Variants in PKD1L1 observed in about 807,000 individuals in gnomAD.
PKD1L1 encodes polycystin-1-like protein 1.
Under a neutral mutation model 323.4 loss-of-function variants are expected in PKD1L1, and 236 were observed. The observed-to-expected ratio is 0.73, with a 90% CI of 0.66 to 0.81. The LOEUF (loss-of-function observed/expected upper bound fraction) is 0.81. Ranked by LOEUF, PKD1L1 falls within the 40% of genes least tolerant of loss-of-function variation. The pLI is 0.00. For missense variants in PKD1L1, 3,320 were observed against 3,508.0 expected, an observed-to-expected ratio of 0.95 and a Z score of 1.35; for synonymous variants, 1,344 against 1,335.0, an observed-to-expected ratio of 1.01 and a Z score of -0.15.
At chr7:47,870,141 G>A (rs766915337) in intron 24 of PKD1L1, among the ~76,000 whole-genome samples, 5 of 150,750 alleles carry the variant, frequency 3.3e-5, no homozygotes, top group Admixed American at 1.3e-4. Context: ...AGAAGATGAC[G>A]AATCAATAAT....
chr7:47,791,659 A>G (rs914283041), intron 56 of PKD1L1, among the ~76,000 whole-genome samples: 1 of 152,134 alleles, frequency 6.6e-6, no homozygotes, highest in East Asian at 1.9e-4. Context: ...TCCTCTCTAC[A>G]TGTGGAAGTT....
intron 56 of PKD1L1, among the ~76,000 whole-genome samples, chr7:47,788,676 A>T (rs1786869660): frequency 6.6e-6 from 1 of 150,874 alleles, no homozygotes; most frequent in African/African-American, 2.4e-5. Context: ...GCTCACAGCA[A>T]TCTCCGCCTC....
intron 2 of PKD1L1, among the ~76,000 whole-genome samples, chr7:47,943,161 AAAATATATATATAT>A (rs1225200058): frequency 1.8e-4 from 15 of 85,052 alleles, no homozygotes; most frequent in African/African-American, 4.1e-4. Flanking sequence ...AAAAAAAAAA[AAAATATATATATAT>A]ATATATATAT....
chr7:47,958,902 G>A, the PKD1L1 span, among the ~76,000 whole-genome samples: 13 of 151,966 alleles, frequency 8.6e-5, no homozygotes, highest in Admixed American at 7.9e-4. Context: ...CTGCCATCTC[G>A]GCTCACTGCA....
At position 47,829,415 on chromosome 7, in the gene PKD1L1, T is replaced by A. The variant is rs71547867; in HGVS notation, c.6735+10A>T. On this transcript the variant is annotated intron_variant, in intron 44 of 56. Transcript: ENST00000289672. The stretch of plus-strand genomic sequence containing the variant: ...ATCTCAATTTGCACTGCATAGGTAA[T>A]TTTTTTTACTTTTTCAACCTCGCCT... 15 of 1,577,088 alleles carry A rather than the reference T, an allele frequency of 9.5e-6. No individual in the cohort carries two copies. The highest frequency in any genetic ancestry group is 1.3e-5 in the Non-Finnish European group (15 of 1,162,830).
intron 26 of PKD1L1, among the ~76,000 whole-genome samples, chr7:47,863,343 T>C (rs1227325810): frequency 6.6e-6 from 1 of 151,886 alleles, no homozygotes; most frequent in Non-Finnish European, 1.5e-5. Flanking sequence ...TCTGGGGAGC[T>C]TGAGTCAGCT....
chr7:47,861,341 A>C (rs772394341), intron 26 of PKD1L1, among the ~76,000 whole-genome samples: 66 of 152,230 alleles, frequency 4.3e-4, no homozygotes, highest in Non-Finnish European at 4.0e-4. Context: ...GTCTCGAACA[A>C]AATGAACTCT....
At chr7:47,775,925 C>A (rs1786558764) in intron 56 of PKD1L1, among the ~76,000 whole-genome samples, 2 of 151,328 alleles carry the variant, frequency 1.3e-5, no homozygotes, top group South Asian at 4.2e-4. Context: ...ATCAAAGACA[C>A]AAATATGTTG....
At chr7:47,842,533 C>T (rs553438922) in intron 34 of PKD1L1, among the ~76,000 whole-genome samples, 1 of 152,296 alleles carries the variant, frequency 6.6e-6, no homozygotes, top group South Asian at 2.1e-4. Flanking sequence ...GGCACCCCTG[C>T]TCCACTGGGC....
the PKD1L1 span, among the ~76,000 whole-genome samples, chr7:47,959,681 C>G: frequency 7.6e-6 from 1 of 132,430 alleles, no homozygotes; most frequent in African/African-American, 2.6e-5. Context: ...CCAGCCGCCC[C>G]GTCCGGGAGG....
rs867581357 is a variant in PKD1L1, at chr7:47,857,562, T to C, written c.4590+43A>G. 1.2e-5 allele frequency: 18 copies of C among 1,541,676 alleles called. No homozygotes were observed. The Middle Eastern group carries it at 2.7e-3, about 228-fold the overall frequency. The stretch of plus-strand genomic sequence containing the variant: ...CATTTAAGCCCAATTACTGCAAATT[T>C]GAAATGGTCATTAGAAGTGGCAGGT... On this transcript the variant is annotated intron_variant, in intron 28 of 56. Coordinates refer to ENST00000289672, the MANE Select transcript of PKD1L1 (RefSeq NM_138295.5).
chr7:47,951,411 ATACT>A (rs1263308468), upstream of PKD1L1, among the ~76,000 whole-genome samples: 2 of 152,204 alleles, frequency 1.3e-5, no homozygotes, highest in Non-Finnish European at 2.9e-5. Flanking sequence ...TTCAGATTTA[ATACT>A]TAGTTTCTAA....
Position 47,902,451 on chromosome 7 carries a change from T to C in PKD1L1, c.1992A>G (p.Arg664=), listed in dbSNP as rs973294484. ...GCTCGCACACGATGAAAAGTTGCTG[T>C]CTTAGAGTGGAGGCACTGACATTAT... The part of the protein sequence containing the change: ...AFNNVSASTL[R]QQLFIVCEPC... Residue 664 remains arginine (R), a synonymous_variant, in exon 13 of 57, where the codon AGA becomes AGG. Transcript: ENST00000289672. 6.2e-7 allele frequency: 1 copy of C among 1,614,144 alleles called. No individual in the cohort carries two copies. Among genetic ancestry groups the C allele is most frequent in the Admixed American group, 1.7e-5 (1 of 60,020 alleles).
chr7:47,836,998 G>A lies in PKD1L1; in HGVS notation c.5866C>T (p.Arg1956Cys), dbSNP rs368529012. ...PSSSRYLHTP[R>C]LTVSFSLLCV... ...AGCAGGGAGAAGGACACGGTGAGGC[G>A]CGGCGTGTGCAGGTAGCGGCTGGAG... The change falls in exon 37 of 57, where the codon CGC becomes TGC. Residue 1956 changes from arginine (R) to cysteine (C), a missense_variant. Transcript: ENST00000289672. The A allele has an allele frequency of 1.5e-5, 24 of 1,614,080 alleles. No homozygotes were observed. Among genetic ancestry groups the A allele is most frequent in the African/African-American group, 2.7e-5 (2 of 74,950 alleles).
chr7:47,878,233 T>C (rs1786452290), intron 21 of PKD1L1, among the ~76,000 whole-genome samples: 1 of 152,216 alleles, frequency 6.6e-6, no homozygotes, highest in Non-Finnish European at 1.5e-5. Context: ...TTGTTGTAAA[T>C]AGCAGCATAA....
intron 45 of PKD1L1, among the ~76,000 whole-genome samples, chr7:47,822,664 T>C (rs893777683): frequency 2.8e-5 from 4 of 141,608 alleles, no homozygotes; most frequent in East Asian, 2.2e-4. Flanking sequence ...TTAGAAAGAA[T>C]AGACTTCTGA....
At position 47,865,260 on chromosome 7, in the gene PKD1L1, C is replaced by T. The variant is rs773422985; in HGVS notation, c.4105G>A (p.Gly1369Ser). Reference protein sequence around the residue: ...LAFVDQEEMIGSVLMLRDLVS... With the variant: ...LAFVDQEEMISSVLMLRDLVS... ...AGGTCCCTCAACATAAGAACAGAAC[C>T]AATCATTTCTTCCTGACCAGAAGAA... Residue 1369 changes from glycine (G) to serine (S), a missense_variant, in exon 26 of 57, where the codon GGT becomes AGT. Gly to Ser is a moderately conservative substitution (Grantham distance 56, BLOSUM62 0). Transcript: ENST00000289672. The T allele has an allele frequency of 2.5e-5, 40 of 1,612,828 alleles. No individual in the cohort carries two copies. The highest frequency in any genetic ancestry group is 2.2e-5 in the South Asian group (2 of 90,910).
chr7:47,842,147 C>T (rs1025565776), intron 34 of PKD1L1, among the ~76,000 whole-genome samples: 1 of 152,186 alleles, frequency 6.6e-6, no homozygotes, highest in Admixed American at 6.5e-5. Flanking sequence ...AAGAACATTC[C>T]TATGTGTATG....
chr7:47,849,080 A>G (rs1326971839), intron 31 of PKD1L1, among the ~76,000 whole-genome samples: 1 of 152,238 alleles, frequency 6.6e-6, no homozygotes, highest in Non-Finnish European at 1.5e-5. Context: ...CAAAGCAAAC[A>G]AAAACATAAA....
Sources: gnomAD v4.1 joint callset for allele counts (sites outside exome capture counted in the v4.1 genomes callset) on GRCh38, gnomAD v4.1.1 for gene constraint, MANE v1.5 for transcripts, NCBI Gene and HGNC (gene_info 2026-07-23, HGNC 2026-07-21) for gene names.